PLXNA4: variants seen among roughly 807,000 people sequenced by gnomAD.
The protein encoded by PLXNA4 is plexin A4.
In PLXNA4, 44 loss-of-function variants were observed where a neutral mutation model predicts 191.8. That is an observed-to-expected ratio of 0.23 (90% CI 0.18 to 0.29). The LOEUF is 0.29. Ranked by LOEUF, PLXNA4 falls within the 10% of genes least tolerant of loss-of-function variation. PLXNA4 has a pLI of 1.00. For synonymous variants in PLXNA4, 1,082 were observed against 1,009.5 expected (o/e 1.07, Z -1.36); for missense variants, 1,800 against 2,488.8 (o/e 0.72, Z 5.89).
chr7:132,503,768 G>A (rs1377866513), intron 2 of PLXNA4, among the ~76,000 whole-genome samples: 2 of 152,292 alleles, frequency 1.3e-5, no homozygotes, highest in East Asian at 1.9e-4. Flanking sequence ...TTGACCTCTA[G>A]TCCCCTGAGT....
At chr7:132,240,274 T>C (rs1330934625) in intron 5 of PLXNA4, among the ~76,000 whole-genome samples, 1 of 152,250 alleles carries the variant, frequency 6.6e-6, no homozygotes, top group African/African-American at 2.4e-5. Flanking sequence ...CAGGTATTGA[T>C]GGCAAGGGTC....
In PLXNA4 at chr7:132,576,406, C is replaced by A. The variant is rs1802239304; in HGVS notation, c.-87+16G>T. The A allele has an allele frequency of 2.0e-6, 2 of 985,804 alleles. No individual in the cohort carries two copies. The highest frequency in any genetic ancestry group is 2.4e-6 in the Non-Finnish European group (2 of 829,990). 61.1% of individuals were successfully genotyped at this position (985,804 alleles called of 1,614,324 possible). A position where few individuals can be genotyped will look rare whatever the true frequency, so the allele number is the denominator to read the frequency against. Reference sequence around the variant, plus strand: ...CCGCCCGCCCGGCCCCACTCCCCGGCGGGCCGGCTCCTTACCTGGACGCGC... The same window carrying A: ...CCGCCCGCCCGGCCCCACTCCCCGGAGGGCCGGCTCCTTACCTGGACGCGC... On this transcript the variant is annotated intron_variant, in intron 1 of 31. Coordinates refer to ENST00000321063, the MANE Select transcript of PLXNA4 (RefSeq NM_020911.2). This position sits in a 1 kb window ranked among gnomAD's most constrained non-coding sequence, Gnocchi z 5.8.
chr7:132,495,406 G>T (rs1400571130), intron 2 of PLXNA4, among the ~76,000 whole-genome samples: 1 of 152,112 alleles, frequency 6.6e-6, no homozygotes, highest in Non-Finnish European at 1.5e-5. Flanking sequence ...CTTACTGCAG[G>T]CATCCACTGT....
intron 1 of PLXNA4, among the ~76,000 whole-genome samples, chr7:132,554,072 G>A (rs1800685021): frequency 6.6e-6 from 1 of 152,132 alleles, no homozygotes; most frequent in Non-Finnish European, 1.5e-5. Flanking sequence ...TCTCAATTTT[G>A]CCCAAGGATA....
rs1563048405 is a variant in PLXNA4, at chr7:132,132,473, C to CTGTTCTGTTCTGTT, written c.5589+575_5589+576insAACAGAACAGAACA. 3.8e-5 allele frequency among the ~76,000 whole-genome samples: 2 copies of CTGTTCTGTTCTGTT among 53,054 alleles called. 1 individual carries two copies. The highest frequency in any genetic ancestry group is 1.5e-4 in the African/African-American group (2 of 13,376). The allele number at this position is 53,054 out of a possible 152,430, so 34.8% of individuals were successfully genotyped here. On this transcript the variant is annotated intron_variant, in intron 31 of 31. Transcript: ENST00000321063. ...TTCTGTTCTGTTCTGTTCTGCTCTG[C>CTGTTCTGTTCTGTT]TCTGCTCTGCTCTGCTCTATTCTTT...
At chr7:132,462,611 T>A (rs146432904) in intron 3 of PLXNA4, among the ~76,000 whole-genome samples, 2 of 152,082 alleles carry the variant, frequency 1.3e-5, no homozygotes, top group African/African-American at 2.4e-5. Flanking sequence ...AAAAAATAAT[T>A]ATTATTATTT....
At chr7:132,363,517 C>T (rs1347527513) in intron 3 of PLXNA4, among the ~76,000 whole-genome samples, 2 of 152,222 alleles carry the variant, frequency 1.3e-5, no homozygotes, top group Admixed American at 6.5e-5. Flanking sequence ...CACGTATCGG[C>T]ATTTCCTTTC....
chr7:132,259,450 A>G (rs868024944), intron 4 of PLXNA4, among the ~76,000 whole-genome samples: 11 of 113,086 alleles, frequency 9.7e-5, no homozygotes, highest in African/African-American at 3.9e-4. Flanking sequence ...AAAAAAAAAA[A>G]AAAAAAAAAA....
intron 3 of PLXNA4, among the ~76,000 whole-genome samples, chr7:132,306,098 G>A (rs748357781): frequency 5.3e-5 from 8 of 152,152 alleles, no homozygotes; most frequent in Non-Finnish European, 1.2e-4. Flanking sequence ...CCAGCTGGTG[G>A]TCAGGACAGA....
chr7:132,614,150 T>C (rs916534610), intron 2 of PLXNA4, among the ~76,000 whole-genome samples: 3 of 152,272 alleles, frequency 2.0e-5, no homozygotes, highest in East Asian at 1.9e-4. Flanking sequence ...TAAAATTAAC[T>C]TTTTAAAATT....
chr7:132,579,680 A>T (rs1802365741), upstream of PLXNA4, among the ~76,000 whole-genome samples: 1 of 152,168 alleles, frequency 6.6e-6, no homozygotes, highest in Non-Finnish European at 1.5e-5. Flanking sequence ...GAAGACACAC[A>T]GCAAAAAGCT....
At chr7:132,588,238 C>T (rs1291998230) in intron 2 of PLXNA4, among the ~76,000 whole-genome samples, 1 of 152,140 alleles carries the variant, frequency 6.6e-6, no homozygotes, top group Non-Finnish European at 1.5e-5. Context: ...ACACTGTGGA[C>T]ATTCTGCAAA....
chr7:132,337,426 C>T (rs1420821281), intron 3 of PLXNA4, among the ~76,000 whole-genome samples: 4 of 152,210 alleles, frequency 2.6e-5, no homozygotes, highest in African/African-American at 9.7e-5. Context: ...CGCACATATA[C>T]CTGTGTTGTG....
chr7:132,342,050 G>T (rs1358408862), intron 3 of PLXNA4, among the ~76,000 whole-genome samples: 2 of 151,364 alleles, frequency 1.3e-5, no homozygotes, highest in African/African-American at 4.9e-5. Context: ...GGGAGGCAGG[G>T]GGTGACATTA....
chr7:132,612,945 A>G (rs1803082137), intron 2 of PLXNA4, among the ~76,000 whole-genome samples: 1 of 152,162 alleles, frequency 6.6e-6, no homozygotes, highest in South Asian at 2.1e-4. Context: ...GAATATATAT[A>G]CATTTACTAC....
At chr7:132,471,316 T>G (rs1354329724) in intron 3 of PLXNA4, among the ~76,000 whole-genome samples, 1 of 152,206 alleles carries the variant, frequency 6.6e-6, no homozygotes, top group African/African-American at 2.4e-5. Flanking sequence ...TATTTCTTTA[T>G]AGCAATGCAA....
intron 9 of PLXNA4, among the ~76,000 whole-genome samples, chr7:132,217,897 C>CTTTTT (rs138576612): frequency 4.6e-5 from 2 of 43,436 alleles, no homozygotes; most frequent in African/African-American, 1.2e-4. Flanking sequence ...GCTGGATTTG[C>CTTTTT]TTTTTTTTTT....
In PLXNA4 at chr7:132,125,230, C is replaced by G. The variant is rs1167549864; in HGVS notation, c.*5249G>C. On this transcript the variant is annotated 3_prime_UTR_variant, in exon 32 of 32. Coordinates refer to ENST00000321063, the MANE Select transcript of PLXNA4 (RefSeq NM_020911.2). The stretch of plus-strand genomic sequence containing the variant: ...TACCTGAGGCTGTGTCTCAGCTCCC[C>G]ACTCTATAAAATAAGGCTCTTGTTT... 1 of 152,156 alleles carries G rather than the reference C, an allele frequency of 6.6e-6. No homozygotes were observed. The highest frequency in any genetic ancestry group is 1.5e-5 in the Non-Finnish European group (1 of 68,034). The allele number at this position is 152,156 out of a possible 1,614,324, so 9.4% of individuals were successfully genotyped here.
intron 3 of PLXNA4, among the ~76,000 whole-genome samples, chr7:132,460,230 C>T (rs553547074): frequency 6.6e-6 from 1 of 152,114 alleles, no homozygotes; most frequent in African/African-American, 2.4e-5. Flanking sequence ...CAGTGGTACA[C>T]ACCTGGAGTC....
Sources: allele counts gnomAD v4.1 joint callset (sites outside exome capture counted in the v4.1 genomes callset), GRCh38; gene constraint gnomAD v4.1.1; non-coding constraint Gnocchi (gnomAD v3.1); transcripts MANE v1.5; gene names NCBI Gene and HGNC (gene_info 2026-07-23, HGNC 2026-07-21).